Variants in ZFP2 observed in about 807,000 individuals in gnomAD.
ZFP2 encodes the protein ZFP2 zinc finger protein.
In ZFP2, 33 loss-of-function variants were observed where a neutral mutation model predicts 36.1. That is an observed-to-expected ratio of 0.92 (90% CI 0.69 to 1.22). ZFP2 has a LOEUF of 1.22. Ranked by LOEUF, ZFP2 falls within the 50% of genes most tolerant of loss-of-function variation. The pLI is 0.00. For synonymous variants in ZFP2, 170 were observed against 178.0 expected, an observed-to-expected ratio of 0.96 and a Z score of 0.36; for missense variants, 522 against 551.4, an observed-to-expected ratio of 0.95 and a Z score of 0.53.
At chr5:178,925,467 C>T (rs1376511938) in intron 4 of ZFP2, among the ~76,000 whole-genome samples, 1 of 149,502 alleles carries the variant, frequency 6.7e-6, no homozygotes, top group Non-Finnish European at 1.5e-5. Context: ...CTAGGCTGTA[C>T]TAAACTATTT....
intron 1 of ZFP2, among the ~76,000 whole-genome samples, chr5:178,896,925 C>T (rs761452193): frequency 1.3e-4 from 20 of 152,022 alleles, no homozygotes; most frequent in Non-Finnish European, 2.4e-4. Flanking sequence ...ATGTTGACAC[C>T]ATCTACTTAT....
At chr5:178,905,562 T>C (rs998763920) in intron 1 of ZFP2, among the ~76,000 whole-genome samples, 1 of 152,188 alleles carries the variant, frequency 6.6e-6, no homozygotes, top group Non-Finnish European at 1.5e-5. Flanking sequence ...TTTTTAGGTT[T>C]AAGAAAACCT....
In ZFP2 at chr5:178,931,271, T is replaced by C. The variant is rs1758828414; in HGVS notation, c.-43T>C. ...CAAGACTTGAAACCAAAGAGCCAAC[T>C]CCGAAGCCGGGTATTACTGAAGATT... On this transcript the variant is annotated 5_prime_UTR_variant, in exon 5 of 5. Transcript: ENST00000361362. 1 of 1,526,442 alleles carries C rather than the reference T, an allele frequency of 6.6e-7. No individual in the cohort carries two copies. The highest frequency in any genetic ancestry group is 8.8e-7 in the Non-Finnish European group (1 of 1,141,688). 94.6% of individuals were successfully genotyped at this position (1,526,442 alleles called of 1,614,324 possible). A position where few individuals can be genotyped will look rare whatever the true frequency, so the allele number is the denominator to read the frequency against.
At chr5:178,911,104 T>G (rs1419746871) in intron 1 of ZFP2, among the ~76,000 whole-genome samples, 1 of 152,232 alleles carries the variant, frequency 6.6e-6, no homozygotes, top group Non-Finnish European at 1.5e-5. Flanking sequence ...GCACTTTTCC[T>G]GAAAATATTT....
At chr5:178,921,119 GA>G (rs1265261575) in intron 4 of ZFP2, among the ~76,000 whole-genome samples, 1 of 152,166 alleles carries the variant, frequency 6.6e-6, no homozygotes, top group Non-Finnish European at 1.5e-5. Flanking sequence ...GGCCAGTATG[GA>G]ATTTAAGCAG....
At chr5:178,925,383 GGTGGAGTTACTA>G (rs36204644) in intron 4 of ZFP2, among the ~76,000 whole-genome samples, 34,391 of 148,130 alleles carry the variant, frequency 0.23, 6,253 homozygotes, top group Non-Finnish European at 0.27. Flanking sequence ...ACTGTTGCAA[GGTGGAGTTACTA>G]GTGGAGTTAC....
intron 4 of ZFP2, among the ~76,000 whole-genome samples, chr5:178,918,689 C>G (rs955718798): frequency 1.3e-5 from 2 of 152,094 alleles, no homozygotes; most frequent in Non-Finnish European, 2.9e-5. Context: ...TATTATTACT[C>G]AAAAGTCTTG....
chr5:178,921,200 G>A (rs1758555212), intron 4 of ZFP2, among the ~76,000 whole-genome samples: 1 of 152,154 alleles, frequency 6.6e-6, no homozygotes, highest in Non-Finnish European at 1.5e-5. Flanking sequence ...GTATCTCGCA[G>A]GTGAGCCCAG....
chr5:178,929,311 CA>C (rs1758768066), intron 4 of ZFP2, among the ~76,000 whole-genome samples: 1 of 152,244 alleles, frequency 6.6e-6, no homozygotes, highest in Non-Finnish European at 1.5e-5. Flanking sequence ...TCTTTTCTAC[CA>C]CATGGCCAGG....
chr5:178,899,298 C>T (rs925462930), intron 1 of ZFP2, among the ~76,000 whole-genome samples: 5 of 152,146 alleles, frequency 3.3e-5, no homozygotes, highest in African/African-American at 9.7e-5. Flanking sequence ...ACATGAAGAA[C>T]GTCACCTGGC....
At chr5:178,906,175 C>G (rs111939310) in intron 1 of ZFP2, among the ~76,000 whole-genome samples, 2 of 152,186 alleles carry the variant, frequency 1.3e-5, no homozygotes, top group Non-Finnish European at 2.9e-5. Context: ...GAGCACAGAG[C>G]CAGGACTTAA....
intron 3 of ZFP2, among the ~76,000 whole-genome samples, chr5:178,915,318 C>CTTTTTTTTTTTTTTTT: frequency 8.9e-6 from 1 of 112,554 alleles, no homozygotes; most frequent in Non-Finnish European, 1.8e-5. Flanking sequence ...AAAGGTTTTT[C>CTTTTTTTTTTTTTTTT]TTTCTTTTTT....
At position 178,927,872 on chromosome 5, in the gene ZFP2, T is replaced by C. The variant is rs559991212; in HGVS notation, c.-77-3365T>C. Among the ~76,000 whole-genome samples the C allele has an allele frequency of 2.0e-5, 3 of 151,804 alleles. No individual in the cohort carries two copies. In the South Asian group the frequency reaches 6.2e-4, roughly 32 times the overall value. The stretch of plus-strand genomic sequence containing the variant: ...AATTTATAAGAAAAGTTTAATTGGC[T>C]TATGGTTCTACAGGCTGTACGGGAA... On this transcript the variant is annotated intron_variant, in intron 4 of 4. Transcript: ENST00000361362.
chr5:178,916,452 A>C (rs958946607), intron 3 of ZFP2, 113 bp from the exon 4 acceptor site: 3 of 576,448 alleles, frequency 5.2e-6, no homozygotes, highest in African/African-American at 2.0e-5. Context: ...GTGTATCTGA[A>C]AGAGCAGAGA....
chr5:178,909,947 C>A (rs1758255347), intron 1 of ZFP2: 1 of 1,421,964 alleles, frequency 7.0e-7, no homozygotes, highest in Non-Finnish European at 9.9e-7. Flanking sequence ...TTAGGAAGTT[C>A]AGCCATTGGT....
At chr5:178,922,361 C>G in intron 4 of ZFP2, 1 of 1,053,732 alleles carries the variant, frequency 9.5e-7, no homozygotes, top group Non-Finnish European at 1.5e-6. Flanking sequence ...AATTTTTGTT[C>G]TATATGGAGC....
intron 1 of ZFP2, among the ~76,000 whole-genome samples, chr5:178,901,777 A>G (rs1758061991): frequency 2.9e-5 from 1 of 34,892 alleles, no homozygotes; most frequent in Non-Finnish European, 9.0e-5. Context: ...TGGAAAATGC[A>G]TCTTGTGGTT....
intron 1 of ZFP2, among the ~76,000 whole-genome samples, chr5:178,908,865 A>AT (rs1265172483): frequency 6.6e-6 from 1 of 151,972 alleles, no homozygotes; most frequent in African/African-American, 2.4e-5. Flanking sequence ...TGGGAAAAAA[A>AT]GCTGAGGCAG....
At chr5:178,912,897 T>C (rs529495347) in intron 2 of ZFP2, 85 bp from the exon 3 acceptor site, 2 of 912,648 alleles carry the variant, frequency 2.2e-6, no homozygotes, top group African/African-American at 3.6e-5. Context: ...TCAGAAGCCC[T>C]GAAGGAGAAA....
Sources: allele counts gnomAD v4.1 joint callset (sites outside exome capture counted in the v4.1 genomes callset), GRCh38; gene constraint gnomAD v4.1.1; transcripts MANE v1.5; gene names NCBI Gene and HGNC (gene_info 2026-07-23, HGNC 2026-07-21).